CNGB3: variants seen among roughly 807,000 people sequenced by gnomAD.
The protein encoded by CNGB3 is cyclic nucleotide-gated channel beta-3.
A neutral mutation model predicts 92.8 loss-of-function variants in CNGB3; 86 were observed. The ratio of observed to expected loss-of-function variants is 0.93; its 90% CI spans 0.78 to 1.11. CNGB3 has a LOEUF of 1.11. Ranked by LOEUF, CNGB3 falls within the 50% of genes least tolerant of loss-of-function variation. The pLI, the probability that CNGB3 is intolerant of heterozygous loss-of-function variation, is 0.00. For missense variants in CNGB3, 1,026 were observed against 956.8 expected, an observed-to-expected ratio of 1.07 and a Z score of -0.95; for synonymous variants, 333 against 332.7, an observed-to-expected ratio of 1.00 and a Z score of -0.01.
intron 3 of CNGB3, among the ~76,000 whole-genome samples, chr8:86,676,652 T>C (rs1346295681): frequency 2.6e-5 from 4 of 152,196 alleles, no homozygotes; most frequent in Non-Finnish European, 5.9e-5. Context: ...TGGAATTCCA[T>C]GTTTGGTCAT....
intron 6 of CNGB3, chr8:86,657,561 C>T: frequency 2.2e-6 from 1 of 464,322 alleles, no homozygotes; most frequent in Non-Finnish European, 4.4e-6. Flanking sequence ...TGTGCAGGCT[C>T]CATGCTGTGG....
intron 4 of CNGB3, among the ~76,000 whole-genome samples, chr8:86,669,258 TA>T (rs775757821): frequency 6.6e-5 from 10 of 152,160 alleles, no homozygotes; most frequent in Admixed American, 1.3e-4. Flanking sequence ...GCGTATAAAA[TA>T]AAGACATTCT....
chr8:86,602,514 G>A (rs536180782), intron 15 of CNGB3, among the ~76,000 whole-genome samples: 18 of 152,134 alleles, frequency 1.2e-4, no homozygotes, highest in Admixed American at 7.9e-4. Flanking sequence ...ACTGGACCCC[G>A]ATCCGTGGAG....
chr8:86,705,443 C>T lies in CNGB3; in HGVS notation c.338+21088G>A, dbSNP rs556577307. On this transcript the variant is annotated intron_variant, in intron 3 of 17. Coordinates refer to ENST00000320005, the MANE Select transcript of CNGB3 (RefSeq NM_019098.5). ...CCCGCAAATGTCCATGCTCCTATTC[C>T]TAGAACCTGTGAATATGTTACATTA... Among the ~76,000 whole-genome samples, 5 of 152,210 alleles carry T rather than the reference C, an allele frequency of 3.3e-5. No individual in the cohort carries two copies. The South Asian group carries it at 1.0e-3, about 32-fold the overall frequency.
At chr8:86,583,780 C>G (rs1470561332) in intron 15 of CNGB3, among the ~76,000 whole-genome samples, 1 of 151,878 alleles carries the variant, frequency 6.6e-6, no homozygotes, top group Non-Finnish European at 1.5e-5. Flanking sequence ...GTTAGCTGGG[C>G]ATCGTGGCAC....
At chr8:86,726,691 G>A in intron 2 of CNGB3, 34 bp from the exon 3 acceptor site, 2 of 1,611,732 alleles carry the variant, frequency 1.2e-6, no homozygotes, top group Middle Eastern at 1.7e-4. Context: ...ATAGAAGAAT[G>A]TACAACACTC....
intron 3 of CNGB3, among the ~76,000 whole-genome samples, chr8:86,712,461 C>G (rs570666235): frequency 6.6e-6 from 1 of 151,918 alleles, no homozygotes; most frequent in Non-Finnish European, 1.5e-5. Context: ...GGAATTTTTT[C>G]TGGTGTGTGG....
chr8:86,581,580 G>C (rs1244013140), intron 15 of CNGB3, among the ~76,000 whole-genome samples: 1 of 152,166 alleles, frequency 6.6e-6, no homozygotes, highest in Non-Finnish European at 1.5e-5. Context: ...CCTGAGGGAA[G>C]AACATTTTTC....
chr8:86,679,593 T>G (rs1343505351), intron 3 of CNGB3, among the ~76,000 whole-genome samples: 1 of 152,118 alleles, frequency 6.6e-6, no homozygotes, highest in Non-Finnish European at 1.5e-5. Flanking sequence ...TGGCACAATC[T>G]TGGCTCACTG....
chr8:86,711,274 C>A (rs1824745097), intron 3 of CNGB3, among the ~76,000 whole-genome samples: 1 of 152,046 alleles, frequency 6.6e-6, no homozygotes, highest in African/African-American at 2.4e-5. Context: ...CCCCAATGTG[C>A]TTTATTCATG....
intron 9 of CNGB3, 74 bp downstream of exon 9, chr8:86,644,548 C>T (rs1585989045): frequency 7.7e-6 from 12 of 1,562,882 alleles, no homozygotes; most frequent in Middle Eastern, 3.4e-4. Flanking sequence ...GGGTCATATC[C>T]CTGCCAAATT....
chr8:86,611,959 G>T (rs1055204937), intron 13 of CNGB3, among the ~76,000 whole-genome samples: 118 of 151,968 alleles, frequency 7.8e-4, no homozygotes, highest in African/African-American at 2.7e-3. Context: ...GTAAAATGGG[G>T]ATAAAAATGG....
intron 3 of CNGB3, among the ~76,000 whole-genome samples, chr8:86,699,749 C>A (rs990923781): frequency 6.6e-6 from 1 of 152,106 alleles, no homozygotes; most frequent in Non-Finnish European, 1.5e-5. Context: ...TCCCTTTTGC[C>A]AAATTTATAG....
chr8:86,682,922 G>C (rs1445106076), intron 3 of CNGB3, among the ~76,000 whole-genome samples: 1 of 152,134 alleles, frequency 6.6e-6, no homozygotes, highest in Admixed American at 6.5e-5. Context: ...CCTGTGTGTG[G>C]TTGAGGTCAG....
intron 2 of CNGB3, among the ~76,000 whole-genome samples, chr8:86,737,105 T>C (rs1341233382): frequency 1.3e-5 from 2 of 152,148 alleles, no homozygotes; most frequent in Non-Finnish European, 2.9e-5. Context: ...AGATGAAAGA[T>C]AGTGGCAAAA....
At position 86,694,583 on chromosome 8, in the gene CNGB3, C is replaced by T. The variant is rs910014760; in HGVS notation, c.339-23485G>A. ...GCATAGGGTCTCCTCACTTCTCAGACGGGGCGGCCGGGCAGAGACGCTCCT... is the reference window on the plus strand; with the variant it reads ...GCATAGGGTCTCCTCACTTCTCAGATGGGGCGGCCGGGCAGAGACGCTCCT... On this transcript the variant is annotated intron_variant, in intron 3 of 17. Coordinates refer to ENST00000320005, the MANE Select transcript of CNGB3 (RefSeq NM_019098.5). Among the ~76,000 whole-genome samples, 15 of 147,100 alleles carry T rather than the reference C, an allele frequency of 1.0e-4. 1 individual carries two copies. Among genetic ancestry groups the T allele is most frequent in the South Asian group, 4.4e-4 (2 of 4,512 alleles).
intron 3 of CNGB3, among the ~76,000 whole-genome samples, chr8:86,699,053 G>A (rs1229787627): frequency 2.0e-5 from 3 of 152,090 alleles, no homozygotes; most frequent in Non-Finnish European, 4.4e-5. Flanking sequence ...TTCAGCAAAT[G>A]AGAGTTTTCT....
At chr8:86,639,215 G>T (rs1823132571) in intron 10 of CNGB3, among the ~76,000 whole-genome samples, 1 of 151,826 alleles carries the variant, frequency 6.6e-6, no homozygotes, top group Non-Finnish European at 1.5e-5. Context: ...TAAAAAATTT[G>T]TGCACAGTGG....
At chr8:86,642,457 C>T (rs894203683) in intron 10 of CNGB3, among the ~76,000 whole-genome samples, 1 of 151,592 alleles carries the variant, frequency 6.6e-6, no homozygotes, top group East Asian at 1.9e-4. Flanking sequence ...ACTTTAAATT[C>T]TTTAAAATCG....
Sources: allele counts gnomAD v4.1 joint callset (sites outside exome capture counted in the v4.1 genomes callset), GRCh38; gene constraint gnomAD v4.1.1; transcripts MANE v1.5; gene names NCBI Gene and HGNC (gene_info 2026-07-23, HGNC 2026-07-21).